Variants in BRD4 observed in about 807,000 individuals in gnomAD.
BRD4 encodes bromodomain-containing protein 4.
BRD4 carries 16 observed loss-of-function variants against 142.1 expected under a neutral mutation model. That is an observed-to-expected ratio of 0.11 (90% CI 0.08 to 0.17). The LOEUF (loss-of-function observed/expected upper bound fraction) is 0.17. BRD4 is among the 10% of genes least tolerant of loss of function. The pLI is 1.00. For missense variants in BRD4, 1,424 were observed against 1,810.9 expected, an observed-to-expected ratio of 0.79 and a Z score of 3.88; for synonymous variants, 833 against 707.5, an observed-to-expected ratio of 1.18 and a Z score of -2.82.
intron 2 of BRD4, among the ~76,000 whole-genome samples, chr19:15,270,652 C>T (rs1052041710): frequency 6.6e-6 from 1 of 152,146 alleles, no homozygotes; most frequent in Non-Finnish European, 1.5e-5. Context: ...CTGGATAGTA[C>T]GGTTTGGGGC....
intron 1 of BRD4, among the ~76,000 whole-genome samples, chr19:15,281,821 C>T (rs551639755): frequency 1.9e-4 from 29 of 152,228 alleles, no homozygotes; most frequent in African/African-American, 7.0e-4. Context: ...AGTTCAAGAC[C>T]ACCATGGGCA....
At chr19:15,324,051 G>A (rs1174067142) in intron 1 of BRD4, among the ~76,000 whole-genome samples, 1 of 152,078 alleles carries the variant, frequency 6.6e-6, no homozygotes, top group African/African-American at 2.4e-5. Context: ...GAAGGGGGTG[G>A]GGCTGGGACT....
At chr19:15,304,457 A>G (rs905639336) in intron 1 of BRD4, among the ~76,000 whole-genome samples, 6 of 152,184 alleles carry the variant, frequency 3.9e-5, no homozygotes, top group Admixed American at 6.5e-5. Flanking sequence ...AATGCATCAG[A>G]TATCACATGA....
rs2047543873 is a variant in BRD4 at position 15,267,315 on chromosome 19, A to G, written c.559+101T>C. On this transcript the variant is annotated intron_variant, in intron 4 of 19. Transcript: ENST00000679869. Reference sequence around the variant, plus strand: ...CAAACACCAACACGGCATGCAGTATATAATGTCACATCCTCCTGCCACTCC... The same window carrying G: ...CAAACACCAACACGGCATGCAGTATGTAATGTCACATCCTCCTGCCACTCC... The G allele has an allele frequency of 2.8e-6, 4 of 1,425,282 alleles. No homozygotes were observed. The Admixed American group carries it at 5.7e-5, about 20-fold the overall frequency. The allele number at this position is 1,425,282 out of a possible 1,614,324, so 88.3% of individuals were successfully genotyped here. A position where few individuals can be genotyped will look rare whatever the true frequency, so the allele number is the denominator to read the frequency against.
chr19:15,322,920 G>C (rs918453109), intron 1 of BRD4, among the ~76,000 whole-genome samples: 1 of 150,408 alleles, frequency 6.6e-6, no homozygotes, highest in African/African-American at 2.4e-5. Context: ...TGTGGTGGTG[G>C]GCGCCTGTAG....
At chr19:15,270,586 T>G (rs1158218032) in intron 2 of BRD4, among the ~76,000 whole-genome samples, 1 of 152,026 alleles carries the variant, frequency 6.6e-6, no homozygotes, top group East Asian at 1.9e-4. Flanking sequence ...AACAGAATAG[T>G]GAAGAGGAAT....
chr19:15,255,202 G>GA (rs2047394308), intron 10 of BRD4, 95 bp downstream of exon 10: 1 of 1,262,904 alleles, frequency 7.9e-7, no homozygotes, highest in Non-Finnish European at 1.1e-6. Flanking sequence ...AAAAAAAAGG[G>GA]GGGGGGCGCA....
chr19:15,253,306 G>A (rs1275528559), intron 11 of BRD4: 11 of 564,860 alleles, frequency 1.9e-5, no homozygotes, highest in African/African-American at 1.1e-4. Context: ...GCGCCAGCCT[G>A]AGCATCTGCG....
chr19:15,326,017 AAG>A (rs2048105379), intron 1 of BRD4, among the ~76,000 whole-genome samples: 9 of 149,402 alleles, frequency 6.0e-5, no homozygotes, highest in Middle Eastern at 6.8e-3. Flanking sequence ...AAAAAAAAAA[AAG>A]AAAGAAAGAA....
rs530093762 is a variant in BRD4, at chr19:15,270,060, G to A, written c.286-1018C>T. 5.9e-5 allele frequency among the ~76,000 whole-genome samples: 9 copies of A among 152,330 alleles called. No individual in the cohort carries two copies. In the South Asian group the frequency reaches 1.9e-3, roughly 32 times the overall value. The stretch of plus-strand genomic sequence containing the variant: ...ACCCACCGATAGCCAAACTTTCTGA[G>A]TCATCACTCTGACTGAGGACAGGTG... On this transcript the variant is annotated intron_variant, in intron 2 of 19. Coordinates refer to ENST00000679869, the MANE Select transcript of BRD4 (RefSeq NM_001379291.1).
At chr19:15,310,612 GC>G (rs2047961625) in intron 1 of BRD4, among the ~76,000 whole-genome samples, 2 of 151,992 alleles carry the variant, frequency 1.3e-5, no homozygotes, top group African/African-American at 4.8e-5. Context: ...GCCCGCCTCG[GC>G]CTCCCAAAGT....
chr19:15,259,325 T>C (rs2047445034), intron 7 of BRD4, among the ~76,000 whole-genome samples: 1 of 152,230 alleles, frequency 6.6e-6, no homozygotes, highest in Non-Finnish European at 1.5e-5. Context: ...CTCAGCGAAC[T>C]GGTCTGTAAG....
At chr19:15,283,660 T>C (rs2047720812) in intron 1 of BRD4, among the ~76,000 whole-genome samples, 1 of 152,236 alleles carries the variant, frequency 6.6e-6, no homozygotes, top group South Asian at 2.1e-4. Flanking sequence ...CACTGAACTC[T>C]TGAAACAGAT....
At chr19:15,276,487 T>C (rs899912092) in intron 1 of BRD4, among the ~76,000 whole-genome samples, 1 of 150,994 alleles carries the variant, frequency 6.6e-6, no homozygotes, top group African/African-American at 2.4e-5. Flanking sequence ...GATGCAGACA[T>C]AGGCTCACAG....
intron 8 of BRD4, among the ~76,000 whole-genome samples, chr19:15,256,666 G>A (rs111580330): frequency 3.9e-5 from 6 of 152,230 alleles, no homozygotes; most frequent in South Asian, 2.1e-4. Flanking sequence ...CAGGAGAGAC[G>A]AACATCCTGG....
rs148057853 is a variant in BRD4, at chr19:15,320,400, G to A, written c.-35+11890C>T. Among the ~76,000 whole-genome samples the A allele has an allele frequency of 5.3e-5, 8 of 152,206 alleles. No individual in the cohort carries two copies. In the East Asian group the frequency reaches 1.3e-3, roughly 26 times the overall value. ...AAAATTACAACTGTACCTTTTGCAGGCACGGAAGATAGATGAATCCAGTCT... is the reference window on the plus strand; with the variant it reads ...AAAATTACAACTGTACCTTTTGCAGACACGGAAGATAGATGAATCCAGTCT... On this transcript the variant is annotated intron_variant, in intron 1 of 19. Transcript: ENST00000679869.
intron 1 of BRD4, among the ~76,000 whole-genome samples, chr19:15,323,178 TAAAAAAAAAAAA>T (rs1017018376): frequency 8.2e-5 from 6 of 73,050 alleles, no homozygotes; most frequent in Admixed American, 1.8e-4. Flanking sequence ...TCCATCTCTT[TAAAAAAAAAAAA>T]AAAAAAAAAA....
At chr19:15,243,957 G>C (rs993920393) in intron 13 of BRD4, among the ~76,000 whole-genome samples, 1 of 152,348 alleles carries the variant, frequency 6.6e-6, no homozygotes. Context: ...CCCAGCAGCA[G>C]AAATAAGTCA....
At chr19:15,267,770 G>A (rs916378745) in intron 3 of BRD4, among the ~76,000 whole-genome samples, 1 of 152,156 alleles carries the variant, frequency 6.6e-6, no homozygotes, top group African/African-American at 2.4e-5. Flanking sequence ...TTGTCTACCT[G>A]CACCTCCCTC....
Sources: gnomAD v4.1 joint callset for allele counts (sites outside exome capture counted in the v4.1 genomes callset) on GRCh38, gnomAD v4.1.1 for gene constraint, MANE v1.5 for transcripts, NCBI Gene and HGNC (gene_info 2026-07-23, HGNC 2026-07-21) for gene names.